Variants in SLC6A7 observed in about 807,000 individuals in gnomAD.
SLC6A7 encodes the protein solute carrier family 6 member 7, also known as sodium-dependent proline transporter.
In SLC6A7, 58 loss-of-function variants were observed where a neutral mutation model predicts 73.1. The observed-to-expected ratio is 0.79, with a 90% CI of 0.64 to 0.99. The LOEUF is 0.99. SLC6A7 is among the 50% of genes least tolerant of loss of function. The probability of loss-of-function intolerance (pLI) is 0.00; values close to 1 mark genes in which losing one functional copy is unlikely to be tolerated. For missense variants in SLC6A7, 783 were observed against 831.4 expected, an observed-to-expected ratio of 0.94 and a Z score of 0.72; for synonymous variants, 338 against 338.7, an observed-to-expected ratio of 1.00 and a Z score of 0.02.
intron 4 of SLC6A7, among the ~76,000 whole-genome samples, chr5:150,198,858 GT>G (rs1753218034): frequency 1.3e-5 from 2 of 149,530 alleles, no homozygotes; most frequent in African/African-American, 2.5e-5. Context: ...GTGTGTGTGT[GT>G]GTGTGGTGTA....
intron 13 of SLC6A7, among the ~76,000 whole-genome samples, chr5:150,208,878 G>A (rs1424146168): frequency 6.6e-6 from 1 of 152,178 alleles, no homozygotes; most frequent in African/African-American, 2.4e-5. Flanking sequence ...GCAGGTCGGG[G>A]CTGGAAGAAA....
chr5:150,201,300 C>G, intron 6 of SLC6A7, 77 bp downstream of exon 6: 6 of 1,124,458 alleles, frequency 5.3e-6, no homozygotes, highest in Non-Finnish European at 7.6e-6. Context: ...CCCTGGGACA[C>G]CGCAGTACCA....
chr5:150,193,726 T>G (rs997530478), intron 1 of SLC6A7, among the ~76,000 whole-genome samples: 1 of 152,180 alleles, frequency 6.6e-6, no homozygotes. Flanking sequence ...CTATCACCTC[T>G]TTTCCTGAAC....
In SLC6A7 at chr5:150,190,241, C is replaced by A; in HGVS notation, c.-87C>A. On this transcript the variant is annotated 5_prime_UTR_variant, in exon 1 of 14. Coordinates refer to ENST00000230671, the MANE Select transcript of SLC6A7 (RefSeq NM_014228.5). ...AGCCGGTGCGCGGGAGCCGCGGGGG[C>A]AAAGGCGCAGTGGCCAGCGGACCAT... The A allele has an allele frequency of 8.5e-7, 1 of 1,177,410 alleles. No individual in the cohort carries two copies. The highest frequency in any genetic ancestry group is 1.6e-5 in the African/African-American group (1 of 61,836). 72.9% of individuals were successfully genotyped at this position (1,177,410 alleles called of 1,614,324 possible). A position where few individuals can be genotyped will look rare whatever the true frequency, so the allele number is the denominator to read the frequency against.
chr5:150,209,618 C>A lies in SLC6A7; in HGVS notation c.*3C>A. ...AGGAGGAGGAGTCGATGATGTGAGG[C>A]AGGAGGCAGGCGGGCAGAAGGCCCT... On this transcript the variant is annotated 3_prime_UTR_variant, in exon 14 of 14. Coordinates refer to ENST00000230671, the MANE Select transcript of SLC6A7 (RefSeq NM_014228.5). The A allele has an allele frequency of 1.3e-6, 2 of 1,589,392 alleles. No individual in the cohort carries two copies. Among genetic ancestry groups the A allele is most frequent in the Non-Finnish European group, 1.7e-6 (2 of 1,166,840 alleles).
In SLC6A7 at chr5:150,201,180, A is replaced by T. The variant is rs1167167281; in HGVS notation, c.815A>T (p.Gln272Leu). The T allele has an allele frequency of 1.9e-6, 3 of 1,613,670 alleles. No individual in the cohort carries two copies. In the East Asian group the frequency reaches 6.7e-5, roughly 36 times the overall value. The change falls in exon 6 of 14, where the codon CAG becomes CTG. Residue 272 changes from glutamine (Q) to leucine (L), a missense_variant. Coordinates refer to ENST00000230671, the MANE Select transcript of SLC6A7 (RefSeq NM_014228.5). Reference sequence around the variant, plus strand: ...CTCCCAGGGGCCTGGAAGGGCATCCAGTTCTATCTCACCCCCCAGTTCCAC... The same window carrying T: ...CTCCCAGGGGCCTGGAAGGGCATCCTGTTCTATCTCACCCCCCAGTTCCAC... Reference protein sequence around the residue: ...VTLPGAWKGIQFYLTPQFHHL... With the variant: ...VTLPGAWKGILFYLTPQFHHL...
rs1562085917 is a variant in SLC6A7 at position 150,198,121 on chromosome 5, G to GAAAGAAAGAAGGAAAGAA, written c.584+855_584+856insGGAAAGAAAAAGAAAGAA. Among the ~76,000 whole-genome samples, 49 of 111,936 alleles carry GAAAGAAAGAAGGAAAGAA rather than the reference G, an allele frequency of 4.4e-4. 1 individual carries two copies. The highest frequency in any genetic ancestry group is 1.5e-3 in the South Asian group (5 of 3,438). The allele number at this position is 111,936 out of a possible 152,430, so 73.4% of individuals were successfully genotyped here. ...AAAGAAAGAAAGAAAGAAAGAGAAA[G>GAAAGAAAGAAGGAAAGAA]AAAGAAAGAAAGAAAGAAAGCAAAG... On this transcript the variant is annotated intron_variant, in intron 4 of 13. Transcript: ENST00000230671.
intron 13 of SLC6A7, among the ~76,000 whole-genome samples, chr5:150,206,728 C>T (rs1014205364): frequency 1.2e-4 from 19 of 152,250 alleles, no homozygotes; most frequent in African/African-American, 4.3e-4. Context: ...CTTCTCTGAA[C>T]CTCAGGAGCT....
intron 1 of SLC6A7, among the ~76,000 whole-genome samples, chr5:150,192,042 G>C (rs530701698): frequency 6.6e-6 from 1 of 151,882 alleles, no homozygotes; most frequent in African/African-American, 2.4e-5. Context: ...AGGGCAGAGG[G>C]TTGGTTCTAG....
At chr5:150,204,476 C>A in intron 10 of SLC6A7, 56 bp from the exon 11 acceptor site, 1 of 1,322,248 alleles carries the variant, frequency 7.6e-7, no homozygotes, top group Non-Finnish European at 1.1e-6. Flanking sequence ...GGAGAAGGGG[C>A]TGTAGCAGAG....
intron 1 of SLC6A7, among the ~76,000 whole-genome samples, chr5:150,194,152 G>A (rs142518904): frequency 8.5e-5 from 13 of 152,222 alleles, no homozygotes; most frequent in South Asian, 4.2e-4. Context: ...CCATCCAGCC[G>A]GCCACGGTGG....
chr5:150,207,162 T>C (rs1031116792), intron 13 of SLC6A7, among the ~76,000 whole-genome samples: 2 of 152,252 alleles, frequency 1.3e-5, no homozygotes, highest in African/African-American at 4.8e-5. Context: ...TATTTATTTT[T>C]TTTGTTGAGA....
chr5:150,191,169 G>A (rs1752765497), intron 1 of SLC6A7, among the ~76,000 whole-genome samples: 1 of 152,200 alleles, frequency 6.6e-6, no homozygotes, highest in Non-Finnish European at 1.5e-5. Flanking sequence ...CTTTGGACAA[G>A]TTCATTCTCT....
intron 5 of SLC6A7, among the ~76,000 whole-genome samples, chr5:150,199,792 G>A (rs1324082166): frequency 6.6e-6 from 1 of 152,196 alleles, no homozygotes; most frequent in Non-Finnish European, 1.5e-5. Context: ...TTCAATCAGT[G>A]TCATCAGGAA....
At chr5:150,208,008 C>T (rs1417865634) in intron 13 of SLC6A7, among the ~76,000 whole-genome samples, 1 of 151,802 alleles carries the variant, frequency 6.6e-6, no homozygotes, top group East Asian at 1.9e-4. Context: ...AACAACCTTC[C>T]ATGCGCAGGA....
chr5:150,191,425 T>C (rs1752777247), intron 1 of SLC6A7, among the ~76,000 whole-genome samples: 1 of 146,072 alleles, frequency 6.8e-6, no homozygotes, highest in South Asian at 2.2e-4. Context: ...TGTGTCTTTT[T>C]TCTTTTTCTT....
Position 150,198,117 on chromosome 5 carries a change from G to GAAAGGAAAGAA in SLC6A7, c.584+845_584+846insGAAAGAAAAAG, listed in dbSNP as rs1753166100. On this transcript the variant is annotated intron_variant, in intron 4 of 13. Transcript: ENST00000230671. ...AAAGAAAGAAAGAAAGAAAGAAAGAGAAAGAAAGAAAGAAAGAAAGAAAGC... is the reference window on the plus strand; with the variant it reads ...AAAGAAAGAAAGAAAGAAAGAAAGAGAAAGGAAAGAAAAAGAAAGAAAGAAAGAAAGAAAGC... Among the ~76,000 whole-genome samples, 495 of 57,654 alleles carry GAAAGGAAAGAA rather than the reference G, an allele frequency of 8.6e-3. 12 individuals are homozygous for GAAAGGAAAGAA. The highest frequency in any genetic ancestry group is 0.015 in the Non-Finnish European group (239 of 16,480). The allele number at this position is 57,654 out of a possible 152,430, so 37.8% of individuals were successfully genotyped here. A position where few individuals can be genotyped will look rare whatever the true frequency, so the allele number is the denominator to read the frequency against.
chr5:150,198,117 G>GAAAGAAAGAAAGAAAGGAAAGAA (rs1753167516), intron 4 of SLC6A7, among the ~76,000 whole-genome samples: 1 of 57,562 alleles, frequency 1.7e-5, no homozygotes, highest in Non-Finnish European at 6.1e-5. Context: ...GAAAGAAAGA[G>GAAAGAAAGAAAGAAAGGAAAGAA]AAAGAAAGAA....
At chr5:150,206,290 G>T (rs183648085) in intron 13 of SLC6A7, among the ~76,000 whole-genome samples, 1 of 152,172 alleles carries the variant, frequency 6.6e-6, no homozygotes, top group African/African-American at 2.4e-5. Context: ...TAGTGAGCCC[G>T]ATGGATGGCA....
Sources: gnomAD v4.1 joint callset for allele counts (sites outside exome capture counted in the v4.1 genomes callset) on GRCh38, gnomAD v4.1.1 for gene constraint, MANE v1.5 for transcripts, NCBI Gene and HGNC (gene_info 2026-07-23, HGNC 2026-07-21) for gene names.